SUPT3H: variants seen among roughly 807,000 people sequenced by gnomAD.
SUPT3H encodes transcription initiation protein SPT3 homolog.
A neutral mutation model predicts 44.3 loss-of-function variants in SUPT3H; 44 were observed. That is an observed-to-expected ratio of 0.99 (90% CI 0.78 to 1.28). SUPT3H has a LOEUF of 1.28. SUPT3H is among the 50% of genes most tolerant of loss of function. The probability of loss-of-function intolerance (pLI) is 0.00; values close to 1 mark genes in which losing one functional copy is unlikely to be tolerated. For missense variants in SUPT3H, 380 were observed against 387.1 expected (o/e 0.98, Z 0.15); for synonymous variants, 124 against 125.6 (o/e 0.99, Z 0.09).
chr6:45,062,006 T>C (rs1455187058), intron 3 of SUPT3H, among the ~76,000 whole-genome samples: 1 of 151,636 alleles, frequency 6.6e-6, no homozygotes, highest in African/African-American at 2.4e-5. Context: ...TTAAAATTAG[T>C]GTTATTTAAT....
At chr6:44,884,572 G>C (rs1430275939) in intron 10 of SUPT3H, among the ~76,000 whole-genome samples, 2 of 152,132 alleles carry the variant, frequency 1.3e-5, no homozygotes, top group Admixed American at 6.5e-5. Flanking sequence ...CAATAGCAAA[G>C]ACTTGGAACC....
At chr6:45,020,667 T>C (rs769275928) in intron 3 of SUPT3H, 35 bp from the exon 4 acceptor site, 29 of 1,486,864 alleles carry the variant, frequency 2.0e-5, no homozygotes, top group Non-Finnish European at 2.6e-5. Context: ...TTTTTCTCAG[T>C]AACACAAATT....
chr6:44,885,367 A>C (rs1207049238), intron 10 of SUPT3H, among the ~76,000 whole-genome samples: 1 of 151,762 alleles, frequency 6.6e-6, no homozygotes, highest in Admixed American at 6.6e-5. Flanking sequence ...AGGCACCCCC[A>C]GTAGGGGCAG....
Position 45,042,371 on chromosome 6 carries a change from C to T in SUPT3H, c.187-21739G>A, listed in dbSNP as rs562532678. On this transcript the variant is annotated intron_variant, in intron 3 of 10. Coordinates refer to ENST00000371459, the MANE Select transcript of SUPT3H (RefSeq NM_003599.4). ...CTGAGAGGCAGAGGTCGCAGTGAGC[C>T]GACATCATGGCATTGCACTCCAGCC... Among the ~76,000 whole-genome samples the T allele has an allele frequency of 2.2e-4, 34 of 152,228 alleles. No homozygotes were observed. In the East Asian group the frequency reaches 5.4e-3, roughly 24 times the overall value.
intron 6 of SUPT3H, among the ~76,000 whole-genome samples, chr6:44,967,479 A>G (rs1303482450): frequency 6.6e-6 from 1 of 152,232 alleles, no homozygotes; most frequent in Non-Finnish European, 1.5e-5. Flanking sequence ...TTTTCAGTGA[A>G]AAGTTTTTAT....
intron 10 of SUPT3H, among the ~76,000 whole-genome samples, chr6:44,910,454 A>C (rs1245849142): frequency 6.6e-6 from 1 of 152,172 alleles, no homozygotes; most frequent in Non-Finnish European, 1.5e-5. Context: ...CAAACAATGC[A>C]CATCCCCTTA....
intron 3 of SUPT3H, among the ~76,000 whole-genome samples, chr6:45,063,067 C>G (rs1243715549): frequency 2.7e-5 from 4 of 148,900 alleles, no homozygotes; most frequent in African/African-American, 1.0e-4. Context: ...CCCTGTCTGA[C>G]AGCTTTGAAG....
At chr6:45,102,657 G>A (rs1362339938) in intron 3 of SUPT3H, among the ~76,000 whole-genome samples, 1 of 152,096 alleles carries the variant, frequency 6.6e-6, no homozygotes, top group African/African-American at 2.4e-5. Context: ...TTATAAAGAT[G>A]TTGACCGGGT....
At chr6:45,343,354 T>C (rs1005373835) in intron 2 of SUPT3H, among the ~76,000 whole-genome samples, 1 of 152,034 alleles carries the variant, frequency 6.6e-6, no homozygotes. Context: ...TCCCTAAAGT[T>C]GTTCACTTGA....
intron 10 of SUPT3H, among the ~76,000 whole-genome samples, chr6:44,851,636 G>A (rs905616056): frequency 6.6e-6 from 1 of 152,144 alleles, no homozygotes; most frequent in Non-Finnish European, 1.5e-5. Context: ...CATACCAATG[G>A]AGACATATTG....
intron 2 of SUPT3H, among the ~76,000 whole-genome samples, chr6:45,113,449 C>G (rs1248589852): frequency 6.6e-6 from 1 of 152,212 alleles, no homozygotes; most frequent in Non-Finnish European, 1.5e-5. Flanking sequence ...AGCTCTTTCA[C>G]AAATCTATGA....
At chr6:44,891,319 T>G (rs147376673) in intron 10 of SUPT3H, among the ~76,000 whole-genome samples, 2,713 of 152,236 alleles carry the variant, frequency 0.018, 53 homozygotes, top group South Asian at 0.091. Flanking sequence ...GGTACACCAA[T>G]ATTCACGGCC....
chr6:45,184,284 A>G (rs1813789763), intron 2 of SUPT3H, among the ~76,000 whole-genome samples: 1 of 152,182 alleles, frequency 6.6e-6, no homozygotes. Flanking sequence ...GCTAAATTAT[A>G]AATTTTATGT....
intron 11 of SUPT3H, among the ~76,000 whole-genome samples, chr6:44,815,200 G>A (rs1251816610): frequency 6.6e-6 from 1 of 151,964 alleles, no homozygotes; most frequent in East Asian, 1.9e-4. Context: ...TGAGTTTTTT[G>A]TTTGCAATGA....
chr6:45,297,579 A>C (rs1781493655), intron 2 of SUPT3H, among the ~76,000 whole-genome samples: 1 of 152,230 alleles, frequency 6.6e-6, no homozygotes, highest in African/African-American at 2.4e-5. Flanking sequence ...TAACACATTT[A>C]TTTTAAATCT....
chr6:44,887,464 T>C (rs1229925071), intron 10 of SUPT3H, among the ~76,000 whole-genome samples: 4 of 152,116 alleles, frequency 2.6e-5, no homozygotes, highest in Non-Finnish European at 5.9e-5. Flanking sequence ...ATTAAGAAAC[T>C]CACTCAAAAG....
intron 3 of SUPT3H, among the ~76,000 whole-genome samples, chr6:45,085,316 A>AT (rs1473960788): frequency 3.9e-5 from 6 of 152,104 alleles, no homozygotes; most frequent in Admixed American, 6.6e-5. Context: ...ATTTATATAC[A>AT]TTTTTGCTAT....
At chr6:45,142,764 A>AAAAAAAAAAAAAAAAG (rs1805441110) in intron 2 of SUPT3H, among the ~76,000 whole-genome samples, 2 of 127,034 alleles carry the variant, frequency 1.6e-5, no homozygotes, top group Admixed American at 8.3e-5. Flanking sequence ...AAAAAAAAAA[A>AAAAAAAAAAAAAAAAG]GCAGAATGGC....
At chr6:45,316,473 C>A (rs80250874) in intron 2 of SUPT3H, among the ~76,000 whole-genome samples, 5 of 151,058 alleles carry the variant, frequency 3.3e-5, no homozygotes, top group Admixed American at 6.6e-5. Context: ...TAATAGGCAT[C>A]CAAAGGAAAA....
Sources: allele counts gnomAD v4.1 joint callset (sites outside exome capture counted in the v4.1 genomes callset), GRCh38; gene constraint gnomAD v4.1.1; transcripts MANE v1.5; gene names NCBI Gene and HGNC (gene_info 2026-07-23, HGNC 2026-07-21).